Variants in FMNL2 observed in about 807,000 individuals in gnomAD.
FMNL2 encodes the protein formin like 2.
A neutral mutation model predicts 130.2 loss-of-function variants in FMNL2; 51 were observed. That is an observed-to-expected ratio of 0.39 (90% CI 0.31 to 0.49). The LOEUF is 0.49. Ranked by LOEUF, FMNL2 falls within the 20% of genes least tolerant of loss-of-function variation. The pLI, the probability that FMNL2 is intolerant of heterozygous loss-of-function variation, is 0.85. For missense variants in FMNL2, 977 were observed against 1,316.2 expected (o/e 0.74, Z 3.99); for synonymous variants, 465 against 467.1 (o/e 1.00, Z 0.06).
intron 9 of FMNL2, among the ~76,000 whole-genome samples, chr2:152,595,707 G>A (rs560731222): frequency 4.9e-4 from 75 of 152,184 alleles, no homozygotes; most frequent in African/African-American, 1.7e-3. Flanking sequence ...TGAACTTTGA[G>A]GAATGTGTGT....
chr2:152,366,690 G>A (rs1683571387), intron 1 of FMNL2, among the ~76,000 whole-genome samples: 1 of 152,196 alleles, frequency 6.6e-6, no homozygotes, highest in Non-Finnish European at 1.5e-5. Flanking sequence ...AAATGGCCAG[G>A]CACAGTGGCT....
intron 6 of FMNL2, among the ~76,000 whole-genome samples, chr2:152,569,170 C>G (rs1008587883): frequency 7.0e-6 from 1 of 143,480 alleles, no homozygotes; most frequent in African/African-American, 2.6e-5. Flanking sequence ...CAAAACATGA[C>G]TTTAACCAGA....
At chr2:152,612,228 A>G (rs1411671560) in intron 11 of FMNL2, among the ~76,000 whole-genome samples, 3 of 152,226 alleles carry the variant, frequency 2.0e-5, no homozygotes, top group Non-Finnish European at 4.4e-5. Context: ...TGTGAAAATC[A>G]GAAATGGTCT....
chr2:152,460,147 T>C (rs1461386012), intron 1 of FMNL2, among the ~76,000 whole-genome samples: 5 of 152,222 alleles, frequency 3.3e-5, no homozygotes, highest in Admixed American at 1.3e-4. Flanking sequence ...TGGGCTCATT[T>C]ATATACGTAG....
At chr2:152,348,099 T>C (rs1355009479) in intron 1 of FMNL2, among the ~76,000 whole-genome samples, 2 of 152,182 alleles carry the variant, frequency 1.3e-5, no homozygotes, top group East Asian at 3.8e-4. Flanking sequence ...TCCCACTTTT[T>C]CCGAGGGTCC....
chr2:152,391,668 G>C (rs371083016), intron 1 of FMNL2, among the ~76,000 whole-genome samples: 1 of 151,472 alleles, frequency 6.6e-6, no homozygotes, highest in Non-Finnish European at 1.5e-5. Flanking sequence ...CATATTTCCC[G>C]ATAGGGGTTT....
chr2:152,345,058 G>C (rs1405190768), intron 1 of FMNL2, among the ~76,000 whole-genome samples: 1 of 152,150 alleles, frequency 6.6e-6, no homozygotes, highest in Non-Finnish European at 1.5e-5. Context: ...TTTGGGGTTT[G>C]AGGACAGCAT....
At chr2:152,556,498 C>T (rs937222367) in intron 4 of FMNL2, among the ~76,000 whole-genome samples, 1 of 152,204 alleles carries the variant, frequency 6.6e-6, no homozygotes, top group Non-Finnish European at 1.5e-5. Flanking sequence ...TGGATAAGGA[C>T]TCTGAAGTGA....
At chr2:152,584,894 T>G (rs1156524138) in intron 9 of FMNL2, among the ~76,000 whole-genome samples, 1 of 152,216 alleles carries the variant, frequency 6.6e-6, no homozygotes, top group Non-Finnish European at 1.5e-5. Flanking sequence ...AGGGAGCACC[T>G]TTAGTTTAAT....
rs1683818530 is a variant in FMNL2, at chr2:152,648,613, TTA to T, written c.*710_*711del. 1 of 152,624 alleles carries T rather than the reference TTA, an allele frequency of 6.6e-6. No homozygotes were observed. Among genetic ancestry groups the T allele is most frequent in the Non-Finnish European group, 1.5e-5 (1 of 68,038 alleles). The allele number at this position is 152,624 out of a possible 1,614,324, so 9.5% of individuals were successfully genotyped here. On this transcript the variant is annotated 3_prime_UTR_variant, in exon 26 of 26. Transcript: ENST00000288670. ...AGCTTTTTAAATAATGCAAGTGTAT[TTA>T]TTAGCATTAAAATTAACATCTCAGT...
At chr2:152,600,473 G>T (rs1405907292) in intron 9 of FMNL2, among the ~76,000 whole-genome samples, 1 of 152,192 alleles carries the variant, frequency 6.6e-6, no homozygotes, top group African/African-American at 2.4e-5. Context: ...TACTCACCTT[G>T]AAGAGGGACA....
At chr2:152,406,583 T>C (rs891548700) in intron 1 of FMNL2, among the ~76,000 whole-genome samples, 13 of 152,250 alleles carry the variant, frequency 8.5e-5, no homozygotes, top group Non-Finnish European at 1.5e-5. Context: ...TGAATTGTTA[T>C]GATGGTAGCA....
chr2:152,514,965 G>A (rs1056466197), intron 1 of FMNL2, among the ~76,000 whole-genome samples: 1 of 152,142 alleles, frequency 6.6e-6, no homozygotes, highest in African/African-American at 2.4e-5. Context: ...CCCTCATGAT[G>A]CTTATCACTA....
At chr2:152,371,962 T>G (rs1404446440) in intron 1 of FMNL2, among the ~76,000 whole-genome samples, 1 of 152,156 alleles carries the variant, frequency 6.6e-6, no homozygotes, top group Admixed American at 6.5e-5. Context: ...CCAGCCTCCA[T>G]AACTACAAGA....
At chr2:152,360,531 G>T (rs780923360) in intron 1 of FMNL2, among the ~76,000 whole-genome samples, 1 of 152,034 alleles carries the variant, frequency 6.6e-6, no homozygotes, top group Non-Finnish European at 1.5e-5. Flanking sequence ...CCTATTAACA[G>T]ATGGTCTGTA....
intron 1 of FMNL2, among the ~76,000 whole-genome samples, chr2:152,464,710 G>A (rs1689431752): frequency 1.3e-5 from 2 of 152,310 alleles, no homozygotes; most frequent in South Asian, 2.1e-4. Context: ...AGGCTCAGAC[G>A]CTAAATCCTC....
At chr2:152,629,072 T>G (rs1681990570) in intron 18 of FMNL2, among the ~76,000 whole-genome samples, 1 of 152,224 alleles carries the variant, frequency 6.6e-6, no homozygotes, top group Non-Finnish European at 1.5e-5. Context: ...GGTGGAGATT[T>G]ATGAATATCA....
intron 6 of FMNL2, among the ~76,000 whole-genome samples, chr2:152,570,912 T>G (rs1696135877): frequency 6.6e-6 from 1 of 152,214 alleles, no homozygotes; most frequent in African/African-American, 2.4e-5. Context: ...TGGCAAAAAT[T>G]ACTGGAATAA....
intron 11 of FMNL2, 44 bp from the exon 12 acceptor site, chr2:152,614,807 C>T (rs771177330): frequency 1.9e-6 from 3 of 1,539,328 alleles, no homozygotes; most frequent in African/African-American, 1.4e-5. Context: ...GTTCTATTTC[C>T]ATAGATGAGC....
Sources: allele counts gnomAD v4.1 joint callset (sites outside exome capture counted in the v4.1 genomes callset), GRCh38; gene constraint gnomAD v4.1.1; transcripts MANE v1.5; gene names NCBI Gene and HGNC (gene_info 2026-07-23, HGNC 2026-07-21).